HDAC9: variants seen among roughly 807,000 people sequenced by gnomAD.
The protein encoded by HDAC9 is histone deacetylase 9.
Under a neutral mutation model 139.4 loss-of-function variants are expected in HDAC9, and 41 were observed. The observed-to-expected ratio is 0.29, with a 90% CI of 0.23 to 0.38. The LOEUF (loss-of-function observed/expected upper bound fraction) is 0.38, where lower values mean the gene tolerates loss of function less well. Among genes scored for constraint, HDAC9 ranks in the 10% least tolerant of loss-of-function variants. HDAC9 has a pLI of 1.00. For synonymous variants in HDAC9, 517 were observed against 476.2 expected, an observed-to-expected ratio of 1.09 and a Z score of -1.12; for missense variants, 1,147 against 1,297.0, an observed-to-expected ratio of 0.88 and a Z score of 1.78.
chr7:18,671,767 T>C (rs112842457), intron 12 of HDAC9, among the ~76,000 whole-genome samples: 4,101 of 152,096 alleles, frequency 0.027, 143 homozygotes, highest in African/African-American at 0.069. Context: ...TCATCTGCTT[T>C]ATATCTCTGT....
At chr7:18,647,694 C>T in intron 9 of HDAC9, 91 bp from the exon 10 acceptor site, 1 of 1,101,166 alleles carries the variant, frequency 9.1e-7, no homozygotes, top group East Asian at 2.6e-5. Context: ...TTTTGGGAAG[C>T]TACAGCATAG....
At chr7:18,804,314 T>G (rs1196199023) in intron 17 of HDAC9, among the ~76,000 whole-genome samples, 2 of 152,122 alleles carry the variant, frequency 1.3e-5, no homozygotes, top group Non-Finnish European at 2.9e-5. Context: ...CGTCTGAAAG[T>G]GAGATGAGGT....
chr7:18,418,522 G>T (rs1310692033), intron 1 of HDAC9, among the ~76,000 whole-genome samples: 3 of 151,776 alleles, frequency 2.0e-5, no homozygotes, highest in African/African-American at 7.3e-5. Flanking sequence ...ATAGATTGTG[G>T]AAGTGTTTTC....
chr7:18,517,853 A>G (rs992628548), intron 2 of HDAC9: 36 of 152,206 alleles, frequency 2.4e-4, no homozygotes, highest in African/African-American at 7.5e-4. Context: ...TTCACATGCT[A>G]AGAAACTCCT....
chr7:18,573,224 G>C (rs906492573), intron 2 of HDAC9, among the ~76,000 whole-genome samples: 3 of 152,198 alleles, frequency 2.0e-5, no homozygotes, highest in African/African-American at 7.2e-5. Context: ...CACTGTGAGG[G>C]AGAATTGTAT....
intron 1 of HDAC9, among the ~76,000 whole-genome samples, chr7:18,131,093 A>G (rs552021921): frequency 2.5e-4 from 38 of 152,260 alleles, no homozygotes; most frequent in Non-Finnish European, 4.4e-4. Context: ...AGGAATCCAA[A>G]TGAGATTTTG....
chr7:18,149,285 G>T (rs964881680), intron 1 of HDAC9, among the ~76,000 whole-genome samples: 21 of 150,576 alleles, frequency 1.4e-4, no homozygotes, highest in Non-Finnish European at 3.0e-4. Flanking sequence ...AAAAAGAAAA[G>T]AAAAAATAAT....
intron 11 of HDAC9, among the ~76,000 whole-genome samples, chr7:18,654,057 A>C (rs1365043980): frequency 6.6e-6 from 1 of 152,122 alleles, no homozygotes; most frequent in African/African-American, 2.4e-5. Flanking sequence ...TATTTTGTGC[A>C]CTATTGAAAA....
At chr7:18,905,064 A>G (rs1465979407) in intron 22 of HDAC9, among the ~76,000 whole-genome samples, 2 of 150,882 alleles carry the variant, frequency 1.3e-5, no homozygotes, top group African/African-American at 4.9e-5. Context: ...ATGCCAGGCT[A>G]ATTTTTGGTT....
At chr7:18,249,670 T>C (rs1005175381) in intron 2 of HDAC9, among the ~76,000 whole-genome samples, 1 of 152,180 alleles carries the variant, frequency 6.6e-6, no homozygotes, top group Middle Eastern at 3.4e-3. Context: ...CCAAATTAAC[T>C]CTTTCTTATC....
At chr7:18,841,247 A>G (rs1304672099) in intron 21 of HDAC9, among the ~76,000 whole-genome samples, 1 of 152,092 alleles carries the variant, frequency 6.6e-6, no homozygotes, top group Admixed American at 6.6e-5. Context: ...TGGGACCACA[A>G]GTAAATATTT....
intron 12 of HDAC9, among the ~76,000 whole-genome samples, chr7:18,688,943 T>G (rs1243046941): frequency 1.3e-5 from 2 of 151,920 alleles, no homozygotes; most frequent in African/African-American, 2.4e-5. Context: ...TTAGAAAAAG[T>G]AAAGGAAAGA....
chr7:18,930,156 G>A (rs1804607661), intron 22 of HDAC9, among the ~76,000 whole-genome samples: 1 of 152,006 alleles, frequency 6.6e-6, no homozygotes, highest in Non-Finnish European at 1.5e-5. Context: ...GCCCTATGTG[G>A]TTGTTGAGAA....
At chr7:18,747,982 G>T (rs1486444772) in intron 13 of HDAC9, among the ~76,000 whole-genome samples, 3 of 152,086 alleles carry the variant, frequency 2.0e-5, no homozygotes, top group African/African-American at 7.2e-5. Flanking sequence ...GGTTGTTGTT[G>T]TAAAACTTCT....
intron 1 of HDAC9, among the ~76,000 whole-genome samples, chr7:18,347,791 G>A (rs1782537390): frequency 6.6e-6 from 1 of 151,890 alleles, no homozygotes; most frequent in Admixed American, 6.6e-5. Context: ...TAGAGATGGG[G>A]TTCTCAAACT....
intron 1 of HDAC9, among the ~76,000 whole-genome samples, chr7:18,380,412 A>C (rs1482594791): frequency 1.3e-5 from 2 of 152,242 alleles, no homozygotes; most frequent in Admixed American, 1.3e-4. Flanking sequence ...TGTATTGATT[A>C]AATCGTATAT....
chr7:18,967,502 C>T lies in HDAC9; in HGVS notation c.3023-8304C>T, dbSNP rs188643327. On this transcript the variant is annotated intron_variant, in intron 24 of 25. Transcript: ENST00000686413. ...AATTTTTGTAAATAAAGTTGCCCCC[C>T]CCCCAAAAAAAAAAAAGCAGGGTGT... is the stretch of plus-strand genomic sequence containing the variant. Among the ~76,000 whole-genome samples, 84 of 137,496 alleles carry T rather than the reference C, an allele frequency of 6.1e-4. 6 individuals carry two copies. In the East Asian group the frequency reaches 0.017, roughly 28 times the overall value. 90.2% of individuals were successfully genotyped at this position (137,496 alleles called of 152,430 possible). A position where few individuals can be genotyped will look rare whatever the true frequency, so the allele number is the denominator to read the frequency against.
chr7:18,893,204 T>C (rs1427562816), intron 22 of HDAC9, among the ~76,000 whole-genome samples: 1 of 152,062 alleles, frequency 6.6e-6, no homozygotes, highest in African/African-American at 2.4e-5. Context: ...GAGAGAAAGC[T>C]GTAAACCGTA....
chr7:18,608,620 A>C (rs1356716657), intron 6 of HDAC9, among the ~76,000 whole-genome samples: 1 of 152,168 alleles, frequency 6.6e-6, no homozygotes, highest in Non-Finnish European at 1.5e-5. Flanking sequence ...TTTGTCAATT[A>C]TGAGATATTA....
Sources: gnomAD v4.1 joint callset for allele counts (sites outside exome capture counted in the v4.1 genomes callset) on GRCh38, gnomAD v4.1.1 for gene constraint, MANE v1.5 for transcripts, NCBI Gene and HGNC (gene_info 2026-07-23, HGNC 2026-07-21) for gene names.